DOCK11: variants seen among roughly 807,000 people sequenced by gnomAD.
DOCK11 encodes dedicator of cytokinesis 11.
A neutral mutation model predicts 169.1 loss-of-function variants in DOCK11; 70 were observed. The ratio of observed to expected loss-of-function variants is 0.41; its 90% CI spans 0.34 to 0.51. DOCK11 has a LOEUF of 0.51. DOCK11 is among the 20% of genes least tolerant of loss of function. The probability of loss-of-function intolerance (pLI) is 0.10; values close to 1 mark genes in which losing one functional copy is unlikely to be tolerated. For missense variants in DOCK11, 1,166 were observed against 1,538.8 expected, an observed-to-expected ratio of 0.76 and a Z score of 4.05; for synonymous variants, 529 against 541.3, an observed-to-expected ratio of 0.98 and a Z score of 0.32.
intron 4 of DOCK11, among the ~76,000 whole-genome samples, 170 bp from the exon 5 acceptor site, chrX:118,545,153 T>C (rs1229872048): frequency 1.8e-5 from 2 of 111,542 alleles, no homozygotes; most frequent in African/African-American, 6.5e-5. Flanking sequence ...GAGGGGATAA[T>C]CTGAATTTGG....
At chrX:118,671,959 G>A (rs1396439810) in intron 46 of DOCK11, among the ~76,000 whole-genome samples, 3 of 112,651 alleles carry the variant, frequency 2.7e-5, no homozygotes, top group Admixed American at 9.3e-5. Flanking sequence ...GATTATAGGC[G>A]TGAGCCACTG....
intron 44 of DOCK11, among the ~76,000 whole-genome samples, chrX:118,658,559 G>C (rs1013706046): frequency 3.6e-5 from 4 of 111,202 alleles, no homozygotes; most frequent in African/African-American, 1.3e-4. Context: ...AAGGAGGTAT[G>C]CAGTACTCCC....
At chrX:118,521,016 G>C (rs1317736929) in intron 1 of DOCK11, among the ~76,000 whole-genome samples, 1 of 111,661 alleles carries the variant, frequency 9.0e-6, no homozygotes, top group Non-Finnish European at 1.9e-5. Context: ...TCTTCTCACA[G>C]TGATGAATGG....
chrX:118,648,021 AATTATAATAT>A (rs2015810558), intron 40 of DOCK11, among the ~76,000 whole-genome samples: 1 of 29,649 alleles, frequency 3.4e-5, no homozygotes, highest in Non-Finnish European at 5.4e-5. Context: ...ATATAATATA[AATTATAATAT>A]TATATAATAA....
intron 42 of DOCK11, among the ~76,000 whole-genome samples, chrX:118,653,993 C>T (rs1157032976): frequency 8.9e-6 from 1 of 112,183 alleles, no homozygotes; most frequent in African/African-American, 3.2e-5. Context: ...TTTGTGTAAA[C>T]AGAAATTTCT....
At chrX:118,636,528 T>G (rs2015391666) in intron 36 of DOCK11, 116 bp downstream of exon 36, 1 of 334,744 alleles carries the variant, frequency 3.0e-6, no homozygotes, top group Admixed American at 6.3e-5. Flanking sequence ...AATGTTAAAT[T>G]ATTTTGATAA....
intron 14 of DOCK11, among the ~76,000 whole-genome samples, chrX:118,583,268 G>A (rs1049419500): frequency 3.6e-5 from 4 of 110,329 alleles, no homozygotes; most frequent in Non-Finnish European, 7.6e-5. Flanking sequence ...TCACACACCG[G>A]AGCCTTTCGG....
intron 42 of DOCK11, among the ~76,000 whole-genome samples, chrX:118,653,083 A>G (rs2015984936): frequency 8.9e-6 from 1 of 111,896 alleles, no homozygotes; most frequent in Non-Finnish European, 1.9e-5. Context: ...AAGTTACACC[A>G]CTTATGCTTA....
chrX:118,557,763 CAAAAAAAAAAAAAAAAA>C (rs773728594), intron 6 of DOCK11, among the ~76,000 whole-genome samples: 1 of 24,334 alleles, frequency 4.1e-5, no homozygotes, highest in Admixed American at 8.3e-4. Flanking sequence ...GACTCTGTCT[CAAAAAAAAAAAAAAAAA>C]AAAAAAAAAA....
rs1404957981 is a variant in DOCK11, at chrX:118,556,618, G to A, written c.559-4765G>A. Among the ~76,000 whole-genome samples the A allele has an allele frequency of 5.5e-5, 6 of 108,509 alleles. No individual in the cohort carries two copies. The East Asian group carries it at 1.8e-3, about 32-fold the overall frequency. 94.2% of individuals were successfully genotyped at this position (108,509 alleles called of 115,157 possible). On this transcript the variant is annotated intron_variant, in intron 6 of 52. Coordinates refer to ENST00000276202, the MANE Select transcript of DOCK11 (RefSeq NM_144658.4). ...AAAAATAAAAAAAAATTAGCCAGGC[G>A]TGGTGGCATGCACCTGTAATCCCAG...
chrX:118,682,127 G>C (rs1428437458), intron 51 of DOCK11, among the ~76,000 whole-genome samples: 1 of 110,521 alleles, frequency 9.0e-6, no homozygotes, highest in African/African-American at 3.3e-5. Flanking sequence ...CAGCATTTCA[G>C]ACCATTTGGG....
intron 41 of DOCK11, among the ~76,000 whole-genome samples, chrX:118,651,297 G>A (rs1461046433): frequency 9.0e-6 from 1 of 111,352 alleles, no homozygotes; most frequent in Non-Finnish European, 1.9e-5. Flanking sequence ...AGTTAGGTGT[G>A]GTGGCACACA....
At chrX:118,657,718 T>C (rs778414672) in intron 44 of DOCK11, among the ~76,000 whole-genome samples, 1 of 111,861 alleles carries the variant, frequency 8.9e-6, no homozygotes, top group Admixed American at 9.6e-5. Flanking sequence ...AGTATTATTC[T>C]AAGTGAACTA....
At position 118,641,274 on chromosome X, in the gene DOCK11, A is replaced by G; in HGVS notation, c.4229A>G (p.Asp1410Gly). 1 of 1,203,612 alleles carries G rather than the reference A, an allele frequency of 8.3e-7. No homozygotes were observed. Among genetic ancestry groups the G allele is most frequent in the Non-Finnish European group, 1.1e-6 (1 of 888,530 alleles). ...ACTGAAGTTTCCCTAACAGTACTAG[A>G]CACCATATCATTTTTCACTCAGTGC... ...TATEVSLTVL[D>G]TISFFTQCFK... Residue 1410 changes from aspartate (D) to glycine (G), a missense_variant, in exon 39 of 53, where the codon GAC (aspartate) becomes GGC (glycine). By Grantham distance (94) the Asp-to-Gly change is moderately conservative (BLOSUM62 -1). Coordinates refer to ENST00000276202, the MANE Select transcript of DOCK11 (RefSeq NM_144658.4).
intron 42 of DOCK11, 96 bp downstream of exon 42, chrX:118,652,173 A>G: frequency 1.8e-6 from 1 of 541,102 alleles, no homozygotes. Context: ...TTTTGTTAGT[A>G]TAGAATGTAC....
chrX:118,657,366 ATATT>A lies in DOCK11; in HGVS notation c.4969+2413_4969+2416del, dbSNP rs1293761451. ...AAAAATGATGTTTAAGAGAATTTACATATTTATTTATAGGTGTCATCTATTTTTA... is the reference window on the plus strand; with the variant it reads ...AAAAATGATGTTTAAGAGAATTTACATATTTATAGGTGTCATCTATTTTTA... On this transcript the variant is annotated intron_variant, in intron 44 of 52. Transcript: ENST00000276202. Among the ~76,000 whole-genome samples, 5 of 112,098 alleles carry A rather than the reference ATATT, an allele frequency of 4.5e-5. 1 individual carries two copies. In the South Asian group the frequency reaches 1.8e-3, roughly 41 times the overall value.
chrX:118,572,177 A>T, intron 10 of DOCK11, 146 bp from the exon 11 acceptor site: 1 of 491,030 alleles, frequency 2.0e-6, no homozygotes, highest in Non-Finnish European at 3.3e-6. Flanking sequence ...AAAAGTCTAT[A>T]AAAGCTTGTT....
intron 1 of DOCK11, among the ~76,000 whole-genome samples, chrX:118,510,850 A>G (rs866969360): frequency 3.9e-4 from 44 of 112,043 alleles, no homozygotes; most frequent in African/African-American, 1.4e-3. Flanking sequence ...AGCAGAAGGA[A>G]GGACTGGAAA....
intron 14 of DOCK11, among the ~76,000 whole-genome samples, chrX:118,583,656 A>C (rs2013725967): frequency 1.8e-5 from 2 of 110,924 alleles, no homozygotes; most frequent in African/African-American, 3.3e-5. Flanking sequence ...TCATATAGGA[A>C]ACTATACATA....
Sources: allele counts gnomAD v4.1 joint callset (sites outside exome capture counted in the v4.1 genomes callset), GRCh38; gene constraint gnomAD v4.1.1; transcripts MANE v1.5; gene names NCBI Gene and HGNC (gene_info 2026-07-23, HGNC 2026-07-21).